THSD4: variants seen among roughly 807,000 people sequenced by gnomAD.
THSD4 encodes thrombospondin type-1 domain-containing protein 4.
THSD4 carries 69 observed loss-of-function variants against 119.0 expected under a neutral mutation model. The observed-to-expected ratio is 0.58, with a 90% CI of 0.48 to 0.71. The LOEUF (loss-of-function observed/expected upper bound fraction) is 0.71, where lower values mean the gene tolerates loss of function less well. THSD4 is among the 30% of genes least tolerant of loss of function. THSD4 has a pLI of 0.00. For missense variants in THSD4, 1,393 were observed against 1,391.1 expected (o/e 1.00, Z -0.02); for synonymous variants, 524 against 540.4 (o/e 0.97, Z 0.42).
chr15:71,541,289 G>T, intron 7 of THSD4, among the ~76,000 whole-genome samples: 1 of 152,114 alleles, frequency 6.6e-6, no homozygotes, highest in East Asian at 1.9e-4. Context: ...TTTTCAAATT[G>T]TATGAAGTGC....
chr15:71,650,312 T>G (rs554095552), intron 7 of THSD4, among the ~76,000 whole-genome samples: 1 of 152,118 alleles, frequency 6.6e-6, no homozygotes, highest in South Asian at 2.1e-4. Context: ...TGACCCACAA[T>G]GTAGAGCAGC....
At chr15:71,663,075 A>C (rs2051342726) in intron 8 of THSD4, among the ~76,000 whole-genome samples, 1 of 151,882 alleles carries the variant, frequency 6.6e-6, no homozygotes, top group African/African-American at 2.4e-5. Flanking sequence ...ATCAAGTGAG[A>C]CCCCATCTCT....
At chr15:71,694,288 T>G (rs1264792742) in intron 8 of THSD4, among the ~76,000 whole-genome samples, 1 of 152,260 alleles carries the variant, frequency 6.6e-6, no homozygotes, top group Admixed American at 6.5e-5. Flanking sequence ...TTTCTTTCTC[T>G]TTATAATCTA....
At chr15:71,154,239 C>T (rs1041871039) in intron 2 of THSD4, among the ~76,000 whole-genome samples, 8 of 152,218 alleles carry the variant, frequency 5.3e-5, no homozygotes, top group African/African-American at 1.2e-4. Flanking sequence ...CTGTCTCAGC[C>T]GGCTCCTATT....
At chr15:71,546,566 A>G (rs185687102) in intron 7 of THSD4, among the ~76,000 whole-genome samples, 129 of 152,292 alleles carry the variant, frequency 8.5e-4, no homozygotes, top group Non-Finnish European at 1.3e-3. Flanking sequence ...GCACTGTCTG[A>G]CACTTGGGAT....
rs143257603 is a variant in THSD4, at chr15:71,312,602, C to T, written c.1015+55887C>T. 3.6e-3 allele frequency among the ~76,000 whole-genome samples: 541 copies of T among 152,160 alleles called. 2 individuals are homozygous for T. The highest frequency in any genetic ancestry group is 7.3e-3 in the Admixed American group (112 of 15,290). On this transcript the variant is annotated intron_variant, in intron 6 of 17. Coordinates refer to ENST00000261862, the MANE Select transcript of THSD4 (RefSeq NM_024817.3). Reference sequence around the variant, plus strand: ...CCACCCACTCTGTGATATTTCATTACGGCAGCCCTAGAAAACTCCTCTAAC... The same window carrying T: ...CCACCCACTCTGTGATATTTCATTATGGCAGCCCTAGAAAACTCCTCTAAC...
chr15:71,292,420 C>T (rs2140326544), intron 6 of THSD4, among the ~76,000 whole-genome samples: 1 of 152,182 alleles, frequency 6.6e-6, no homozygotes, highest in Non-Finnish European at 1.5e-5. Context: ...TTCTTTATTT[C>T]TGGAATGCTG....
intron 11 of THSD4, among the ~76,000 whole-genome samples, chr15:71,744,868 T>C (rs564506996): frequency 2.3e-4 from 35 of 152,206 alleles, no homozygotes; most frequent in Non-Finnish European, 4.4e-4. Context: ...AATAGATTAT[T>C]GATTCCTTTT....
At chr15:71,267,893 G>A (rs1053479825) in intron 6 of THSD4, among the ~76,000 whole-genome samples, 1 of 152,104 alleles carries the variant, frequency 6.6e-6, no homozygotes, top group Non-Finnish European at 1.5e-5. Flanking sequence ...AGGGATCAAT[G>A]CAACAAGAAG....
intron 7 of THSD4, among the ~76,000 whole-genome samples, chr15:71,451,194 G>A (rs1262151528): frequency 1.3e-5 from 2 of 152,158 alleles, no homozygotes; most frequent in East Asian, 3.8e-4. Context: ...AAAAAAGGGA[G>A]GCTTCTAGGG....
chr15:71,306,578 T>C (rs1463460445), intron 6 of THSD4, among the ~76,000 whole-genome samples: 1 of 152,162 alleles, frequency 6.6e-6, no homozygotes, highest in Admixed American at 6.5e-5. Context: ...TTTTATAAAG[T>C]ATGGGTGTCT....
At chr15:71,599,511 C>A (rs2049967825) in intron 7 of THSD4, among the ~76,000 whole-genome samples, 1 of 152,172 alleles carries the variant, frequency 6.6e-6, no homozygotes, top group South Asian at 2.1e-4. Flanking sequence ...TCTGGCCAGA[C>A]CTTAACCACC....
chr15:71,703,974 C>A (rs960802094), intron 8 of THSD4, among the ~76,000 whole-genome samples: 1 of 152,082 alleles, frequency 6.6e-6, no homozygotes, highest in Non-Finnish European at 1.5e-5. Flanking sequence ...CTCAGCCTCC[C>A]GAGTAGCTGG....
Position 71,737,837 on chromosome 15 carries a change from A to G in THSD4, c.1736A>G (p.Glu579Gly), listed in dbSNP as rs780593961. ...GAAGACTTGCGTGGGGAGGCCCCTG[A>G]GATGTTCACCTCAGAATCGGCACAG... ...EKEDLRGEAP[E>G]MFTSESAQTF... Residue 579 changes from glutamate to glycine, a missense_variant, in exon 11 of 18, where the codon GAG (glutamate) becomes GGG (glycine). Physicochemically the swap from Glu to Gly is moderately conservative, Grantham distance 98. Coordinates refer to ENST00000261862, the MANE Select transcript of THSD4 (RefSeq NM_024817.3). 9.9e-6 allele frequency: 16 copies of G among 1,614,254 alleles called. No individual in the cohort carries two copies. The South Asian group carries it at 1.6e-4, about 17-fold the overall frequency.
At chr15:71,679,472 C>T (rs893101910) in intron 8 of THSD4, among the ~76,000 whole-genome samples, 4 of 152,202 alleles carry the variant, frequency 2.6e-5, no homozygotes, top group African/African-American at 7.2e-5. Flanking sequence ...AAAAGCCAGC[C>T]GCCAAGTTTA....
At position 71,736,169 on chromosome 15, in the gene THSD4, GTCTC is replaced by G. The variant is rs745503992; in HGVS notation, c.1631-1558_1631-1555del. 4.3e-3 allele frequency among the ~76,000 whole-genome samples: 233 copies of G among 53,996 alleles called. 3 individuals carry two copies. Among genetic ancestry groups the G allele is most frequent in the African/African-American group, 0.01 (188 of 18,786 alleles). 35.4% of individuals were successfully genotyped at this position (53,996 alleles called of 152,430 possible). A position where few individuals can be genotyped will look rare whatever the true frequency, so the allele number is the denominator to read the frequency against. ...TCCGTCTCTCTTGCTCTCTGTCTCT[GTCTC>G]TCTCACACTCTGTCTCTCTCTTGCT... On this transcript the variant is annotated intron_variant, in intron 10 of 17. Transcript: ENST00000261862.
intron 7 of THSD4, among the ~76,000 whole-genome samples, chr15:71,646,575 T>C (rs2050972657): frequency 6.6e-6 from 1 of 152,236 alleles, no homozygotes; most frequent in Non-Finnish European, 1.5e-5. Flanking sequence ...AACTTGACTT[T>C]AAATAAAACA....
intron 6 of THSD4, among the ~76,000 whole-genome samples, chr15:71,332,935 T>G (rs530016024): frequency 8.8e-4 from 112 of 127,198 alleles, no homozygotes; most frequent in African/African-American, 2.8e-3. Context: ...TTAGTGTTAG[T>G]GTATTTTATG....
intron 6 of THSD4, among the ~76,000 whole-genome samples, chr15:71,402,580 T>A (rs1276175331): frequency 6.6e-6 from 1 of 152,124 alleles, no homozygotes; most frequent in Non-Finnish European, 1.5e-5. Context: ...TACAGGAAGC[T>A]CTGAGCAGGG....
Sources: allele counts gnomAD v4.1 joint callset (sites outside exome capture counted in the v4.1 genomes callset), GRCh38; gene constraint gnomAD v4.1.1; transcripts MANE v1.5; gene names NCBI Gene and HGNC (gene_info 2026-07-23, HGNC 2026-07-21).